Variants in TENM3 observed in about 807,000 individuals in gnomAD.
TENM3 encodes teneurin transmembrane protein 3.
TENM3 carries 63 observed loss-of-function variants against 255.1 expected under a neutral mutation model. That is an observed-to-expected ratio of 0.25 (90% CI 0.20 to 0.30). The LOEUF is 0.30. TENM3 is among the 10% of genes least tolerant of loss of function. The pLI, the probability that TENM3 is intolerant of heterozygous loss-of-function variation, is 1.00. For synonymous variants in TENM3, 1,306 were observed against 1,322.3 expected, an observed-to-expected ratio of 0.99 and a Z score of 0.27; for missense variants, 2,929 against 3,461.1, an observed-to-expected ratio of 0.85 and a Z score of 3.86.
At chr4:182,570,896 G>C (rs1024334469) in intron 3 of TENM3, among the ~76,000 whole-genome samples, 2 of 152,088 alleles carry the variant, frequency 1.3e-5, no homozygotes, top group Admixed American at 6.5e-5. Context: ...GGGTTCTGTA[G>C]GTCGATGCGT....
chr4:182,129,836 C>A, the TENM3 span, among the ~76,000 whole-genome samples: 1 of 152,040 alleles, frequency 6.6e-6, no homozygotes, highest in Non-Finnish European at 1.5e-5. Context: ...ACCCAAGAGA[C>A]AATTAGCTTA....
At chr4:182,779,509 C>A (rs1389347308) in intron 24 of TENM3, among the ~76,000 whole-genome samples, 1 of 152,138 alleles carries the variant, frequency 6.6e-6, no homozygotes, top group African/African-American at 2.4e-5. Context: ...AATAGTGCTG[C>A]AATAAACATA....
chr4:182,610,637 CGCA>C (rs1748899981), intron 4 of TENM3, among the ~76,000 whole-genome samples: 1 of 152,096 alleles, frequency 6.6e-6, no homozygotes, highest in African/African-American at 2.4e-5. Flanking sequence ...GAGCTATGAT[CGCA>C]CCACTGTCCT....
At chr4:182,719,944 C>CCA (rs1759572871) in intron 13 of TENM3, among the ~76,000 whole-genome samples, 4 of 151,900 alleles carry the variant, frequency 2.6e-5, no homozygotes, top group Non-Finnish European at 4.4e-5. Context: ...GCCTGTAGTC[C>CCA]GAGCTACTCA....
At chr4:181,478,418 C>T in the TENM3 span, among the ~76,000 whole-genome samples, 1 of 152,144 alleles carries the variant, frequency 6.6e-6, no homozygotes. Context: ...CTGCCTAAGA[C>T]ACCTAGGAAC....
the TENM3 span, among the ~76,000 whole-genome samples, chr4:181,879,890 GT>G: frequency 1.4e-4 from 22 of 151,816 alleles, 1 homozygote; most frequent in Admixed American, 9.8e-4. Flanking sequence ...GAAAAAAAGT[GT>G]TTTTTTTAAC....
At chr4:181,578,439 G>T in the TENM3 span, among the ~76,000 whole-genome samples, 2 of 152,142 alleles carry the variant, frequency 1.3e-5, no homozygotes, top group Non-Finnish European at 2.9e-5. Context: ...AGGAATAGCG[G>T]CCAGGGTCTG....
At chr4:181,528,447 C>T in the TENM3 span, among the ~76,000 whole-genome samples, 4 of 152,288 alleles carry the variant, frequency 2.6e-5, no homozygotes, top group South Asian at 2.1e-4. Flanking sequence ...ATAAGAATTA[C>T]GACCTTCTCT....
the TENM3 span, among the ~76,000 whole-genome samples, chr4:182,089,321 G>A: frequency 1.3e-5 from 2 of 152,072 alleles, no homozygotes; most frequent in African/African-American, 4.8e-5. Context: ...GCCAAAAGTC[G>A]GGTCTCCTGA....
At chr4:181,913,741 A>G in the TENM3 span, among the ~76,000 whole-genome samples, 1 of 152,154 alleles carries the variant, frequency 6.6e-6, no homozygotes, top group African/African-American at 2.4e-5. Context: ...ATGGAGAACA[A>G]AGAACAGGGA....
chr4:181,628,876 T>G, the TENM3 span, among the ~76,000 whole-genome samples: 1 of 152,118 alleles, frequency 6.6e-6, no homozygotes, highest in African/African-American at 2.4e-5. Flanking sequence ...GTGAAGAAAG[T>G]CTTTGGTAGC....
the TENM3 span, among the ~76,000 whole-genome samples, chr4:181,876,088 A>G: frequency 6.6e-6 from 1 of 152,232 alleles, no homozygotes; most frequent in Non-Finnish European, 1.5e-5. Context: ...ACATGATATA[A>G]GACAAATACT....
At chr4:182,216,839 G>C (rs73871821) in intron 1 of TENM3, among the ~76,000 whole-genome samples, 3,669 of 152,090 alleles carry the variant, frequency 0.024, 141 homozygotes, top group African/African-American at 0.082. Flanking sequence ...TCCTGAAAAC[G>C]ATTCAGGTGT....
chr4:181,760,498 C>A, the TENM3 span, among the ~76,000 whole-genome samples: 8 of 151,868 alleles, frequency 5.3e-5, no homozygotes, highest in African/African-American at 1.7e-4. Context: ...AATTTTATAC[C>A]TTTGTAAGTA....
the TENM3 span, among the ~76,000 whole-genome samples, chr4:181,890,131 A>G: frequency 2.0e-5 from 3 of 152,212 alleles, no homozygotes; most frequent in Non-Finnish European, 4.4e-5. Flanking sequence ...CCATGCCAAC[A>G]TGGCTGAGAG....
intron 1 of TENM3, among the ~76,000 whole-genome samples, chr4:182,147,158 A>T (rs1750026416): frequency 1.3e-5 from 2 of 152,198 alleles, no homozygotes; most frequent in South Asian, 4.1e-4. Flanking sequence ...GCCAAGAGTA[A>T]TTATTCTGTT....
chr4:182,007,322 G>A, the TENM3 span, among the ~76,000 whole-genome samples: 2 of 152,080 alleles, frequency 1.3e-5, no homozygotes, highest in African/African-American at 4.8e-5. Context: ...TGACAGTGGG[G>A]TGTTAAAGTC....
chr4:182,443,484 G>T (rs1208035958), intron 3 of TENM3, among the ~76,000 whole-genome samples: 1 of 152,154 alleles, frequency 6.6e-6, no homozygotes, highest in Non-Finnish European at 1.5e-5. Flanking sequence ...CTCAGCTCTT[G>T]CTACGTACTC....
intron 1 of TENM3, among the ~76,000 whole-genome samples, chr4:182,174,456 T>C (rs1752319044): frequency 7.3e-6 from 1 of 136,862 alleles, no homozygotes; most frequent in Non-Finnish European, 1.6e-5. Context: ...TTTTTTTTTT[T>C]CTCTTCTTCT....
Sources: allele counts gnomAD v4.1 joint callset (sites outside exome capture counted in the v4.1 genomes callset), GRCh38; gene constraint gnomAD v4.1.1; transcripts MANE v1.5; gene names NCBI Gene and HGNC (gene_info 2026-07-23, HGNC 2026-07-21).